SEMA6A: variants seen among roughly 807,000 people sequenced by gnomAD.
SEMA6A encodes semaphorin 6A, also known as semaphorin-6A.
A neutral mutation model predicts 96.8 loss-of-function variants in SEMA6A; 25 were observed. The ratio of observed to expected loss-of-function variants is 0.26; its 90% CI spans 0.19 to 0.36. SEMA6A has a LOEUF of 0.36. Among genes scored for constraint, SEMA6A ranks in the 10% least tolerant of loss-of-function variants. The pLI, the probability that SEMA6A is intolerant of heterozygous loss-of-function variation, is 1.00. For synonymous variants in SEMA6A, 612 were observed against 518.0 expected (o/e 1.18, Z -2.46); for missense variants, 1,363 against 1,323.1 (o/e 1.03, Z -0.47).
In SEMA6A at chr5:116,453,677, C is replaced by T. The variant is rs145611843; in HGVS notation, c.1895-5866G>A. Among the ~76,000 whole-genome samples the T allele has an allele frequency of 7.2e-4, 109 of 152,304 alleles. 1 individual carries two copies. In the East Asian group the frequency reaches 0.016, roughly 23 times the overall value. ...TCTCTTGCCTGAGAAAGCTAACTTT[C>T]GGCTTGCTCTGTTCCACATTGAATC... On this transcript the variant is annotated intron_variant, in intron 18 of 18. Coordinates refer to ENST00000343348, the MANE Select transcript of SEMA6A (RefSeq NM_020796.5).
At chr5:116,470,795 G>C (rs1756081470) in intron 17 of SEMA6A, among the ~76,000 whole-genome samples, 1 of 152,206 alleles carries the variant, frequency 6.6e-6, no homozygotes, top group South Asian at 2.1e-4. Context: ...CAGCCACAGA[G>C]TGCAGGACAT....
At chr5:116,519,664 T>TGTAC (rs1554089695) in intron 1 of SEMA6A, among the ~76,000 whole-genome samples, 3 of 146,934 alleles carry the variant, frequency 2.0e-5, no homozygotes, top group Admixed American at 6.8e-5. Context: ...ATGCTGTGTG[T>TGTAC]ACACACACAC....
In SEMA6A at chr5:116,488,213, A is replaced by G. The variant is rs1327029541; in HGVS notation, c.656-17T>C. On this transcript the variant is annotated splice_polypyrimidine_tract_variant and intron_variant, in intron 8 of 18. Transcript: ENST00000343348. ...AGTATGGTTCTGTAGACAAACAGGC[A>G]CTTTAATTGGGAACATGTCAAACAG... 1.3e-6 allele frequency: 2 copies of G among 1,525,812 alleles called. No individual in the cohort carries two copies. Among genetic ancestry groups the G allele is most frequent in the Admixed American group, 1.7e-5 (1 of 58,098 alleles). 94.5% of individuals were successfully genotyped at this position (1,525,812 alleles called of 1,614,324 possible).
intron 1 of SEMA6A, among the ~76,000 whole-genome samples, chr5:116,563,734 A>G (rs1201458180): frequency 6.6e-6 from 1 of 152,230 alleles, no homozygotes; most frequent in African/African-American, 2.4e-5. Flanking sequence ...TAATGAAAAA[A>G]GCTTTGATCT....
chr5:116,560,887 C>T (rs571975411), intron 1 of SEMA6A, among the ~76,000 whole-genome samples: 32 of 152,250 alleles, frequency 2.1e-4, no homozygotes, highest in African/African-American at 7.2e-4. Flanking sequence ...AAGCCTCAGA[C>T]GAAATCCTCA....
intron 3 of SEMA6A, chr5:116,498,744 T>TTGG (rs567515752): frequency 1.7e-4 from 26 of 152,346 alleles, no homozygotes; most frequent in African/African-American, 6.3e-4. Context: ...CTTGACTTTA[T>TTGG]TGGTGGTGCT....
intron 1 of SEMA6A, among the ~76,000 whole-genome samples, chr5:116,509,605 T>TGA (rs143399883): frequency 3.0e-5 from 4 of 133,804 alleles, no homozygotes; most frequent in African/African-American, 1.1e-4. Context: ...TCTCTGTGTG[T>TGA]GTGAGAGAGA....
intron 17 of SEMA6A, chr5:116,469,472 G>C (rs1282341823): frequency 6.6e-6 from 1 of 151,828 alleles, no homozygotes; most frequent in Non-Finnish European, 1.5e-5. Context: ...CTGAATTCAA[G>C]ACTACTTTAA....
At position 116,497,336 on chromosome 5, in the gene SEMA6A, A is replaced by G. The variant is rs200884374; in HGVS notation, c.270T>C (p.Tyr90=). The G allele has an allele frequency of 1.6e-4, 257 of 1,594,394 alleles. No homozygotes were observed. In the African/African-American group the frequency reaches 3.1e-3, roughly 19 times the overall value. ...TTTTAAAACAACTTACTTTGCTACA[A>G]TAAATTTCTTCCGTGTGTGATGTGT... ...DIDTSHTEEI[Y]CSKKLTWKSR... is the part of the protein sequence containing the mutation. The change falls in exon 4 of 19, where the codon TAT becomes TAC. Residue 90 remains tyrosine (Y), a synonymous_variant. Transcript: ENST00000343348.
At chr5:116,539,266 TG>T (rs1418618732) in intron 1 of SEMA6A, among the ~76,000 whole-genome samples, 1 of 152,244 alleles carries the variant, frequency 6.6e-6, no homozygotes, top group African/African-American at 2.4e-5. Context: ...AATCCTGGTT[TG>T]ATTCTGTAAT....
intron 15 of SEMA6A, among the ~76,000 whole-genome samples, chr5:116,477,054 G>A (rs1435843148): frequency 6.6e-6 from 1 of 152,206 alleles, no homozygotes; most frequent in Non-Finnish European, 1.5e-5. Flanking sequence ...TTGGATCTGA[G>A]GAGGTTGAAG....
At chr5:116,525,619 T>C (rs1384700658) in intron 1 of SEMA6A, among the ~76,000 whole-genome samples, 1 of 152,224 alleles carries the variant, frequency 6.6e-6, no homozygotes, top group Admixed American at 6.5e-5. Flanking sequence ...GAGCTGCCTA[T>C]ATTTCTTAGA....
At chr5:116,515,662 C>T (rs1758636344) in intron 1 of SEMA6A, among the ~76,000 whole-genome samples, 1 of 152,188 alleles carries the variant, frequency 6.6e-6, no homozygotes, top group African/African-American at 2.4e-5. Context: ...GACAGGACGA[C>T]TCTCCCTAAT....
At chr5:116,499,761 T>A (rs138207525) in intron 3 of SEMA6A, among the ~76,000 whole-genome samples, 1 of 152,206 alleles carries the variant, frequency 6.6e-6, no homozygotes, top group Non-Finnish European at 1.5e-5. Context: ...TTTTTATCCT[T>A]CTTTTCCTTT....
At chr5:116,522,716 G>T in intron 1 of SEMA6A, among the ~76,000 whole-genome samples, 1 of 152,262 alleles carries the variant, frequency 6.6e-6, no homozygotes, top group Admixed American at 6.5e-5. Context: ...CAGTACTGCA[G>T]ATGGGAACTT....
chr5:116,453,505 C>A (rs1455470737), intron 18 of SEMA6A, among the ~76,000 whole-genome samples: 1 of 152,176 alleles, frequency 6.6e-6, no homozygotes, highest in Non-Finnish European at 1.5e-5. Context: ...GGAATGCATA[C>A]ATGAATGAGC....
At position 116,447,500 on chromosome 5, in the gene SEMA6A, C is replaced by G. The variant is rs778440645; in HGVS notation, c.2206G>C (p.Gly736Arg). ...TTAATGAGCATCTTGGCCGTGTTGC[C>G]GGGAGTGGCGAGCTTGCCGTTGTGC... ...LMHNGKLATPGNTAKMLIKAD... is the reference protein window; with the variant it reads ...LMHNGKLATPRNTAKMLIKAD... The change falls in exon 19 of 19, where the codon GGC (glycine) becomes CGC (arginine). Residue 736 changes from glycine to arginine, a missense_variant. By Grantham distance (125) the Gly-to-Arg change is moderately radical (BLOSUM62 -2). This residue lies in a region of SEMA6A where 883 missense variants were observed against 763.6 expected (regional missense o/e 1.16). Transcript: ENST00000343348. 2.5e-6 allele frequency: 4 copies of G among 1,614,040 alleles called. No homozygotes were observed. Among genetic ancestry groups the G allele is most frequent in the Non-Finnish European group, 2.5e-6 (3 of 1,179,902 alleles).
chr5:116,497,474 A>G (rs2112752477), intron 3 of SEMA6A, 87 bp from the exon 4 acceptor site: 1 of 747,532 alleles, frequency 1.3e-6, no homozygotes, highest in Non-Finnish European at 2.2e-6. Flanking sequence ...TTATCAGGGC[A>G]GATAAGCCCA....
intron 4 of SEMA6A, 39 bp downstream of exon 4, chr5:116,497,288 G>A (rs184599185): frequency 8.8e-6 from 11 of 1,249,532 alleles, no homozygotes; most frequent in African/African-American, 7.4e-5. Flanking sequence ...ACTATCCAAA[G>A]GTCCTTCATT....
Sources: gnomAD v4.1 joint callset for allele counts (sites outside exome capture counted in the v4.1 genomes callset) on GRCh38, gnomAD v4.1.1 for gene constraint, gnomAD v4.1.1 regional missense constraint, MANE v1.5 for transcripts, NCBI Gene and HGNC (gene_info 2026-07-23, HGNC 2026-07-21) for gene names.